Variants in DAB1 observed in about 807,000 individuals in gnomAD.
DAB1 encodes the protein disabled homolog 1.
DAB1 carries 15 observed loss-of-function variants against 64.6 expected under a neutral mutation model. The observed-to-expected ratio is 0.23, with a 90% CI of 0.16 to 0.36. The LOEUF is 0.36. Ranked by LOEUF, DAB1 falls within the 10% of genes least tolerant of loss-of-function variation. The pLI is 1.00. For synonymous variants in DAB1, 235 were observed against 251.9 expected (o/e 0.93, Z 0.64); for missense variants, 596 against 706.7 (o/e 0.84, Z 1.78).
chr1:58,518,081 G>A (rs936356365), intron 2 of DAB1, among the ~76,000 whole-genome samples: 1 of 151,160 alleles, frequency 6.6e-6, no homozygotes, highest in Admixed American at 6.6e-5. Context: ...AGCTACTCAG[G>A]AGGCTGAGGC....
intron 2 of DAB1, among the ~76,000 whole-genome samples, chr1:57,254,721 A>T (rs893132331): frequency 1.3e-5 from 2 of 152,202 alleles, no homozygotes; most frequent in African/African-American, 4.8e-5. Flanking sequence ...ATTGTGGAAA[A>T]TTTGAAAAAT....
At chr1:58,302,019 C>T (rs1308995989) in intron 4 of DAB1, among the ~76,000 whole-genome samples, 1 of 152,092 alleles carries the variant, frequency 6.6e-6, no homozygotes, top group African/African-American at 2.4e-5. Flanking sequence ...CTGGCCTCCT[C>T]ATTTTATAGT....
At chr1:57,984,252 G>GAAAAAAAA (rs1221803395) in intron 5 of DAB1, among the ~76,000 whole-genome samples, 1 of 132,836 alleles carries the variant, frequency 7.5e-6, no homozygotes, top group East Asian at 2.2e-4. Flanking sequence ...AAGAAAGAAA[G>GAAAAAAAA]AAAGAAAGAA....
In DAB1 at chr1:57,816,849, G is replaced by A. The variant is rs115724328; in HGVS notation, n.551+67150C>T. Among the ~76,000 whole-genome samples, 659 of 152,228 alleles carry A rather than the reference G, an allele frequency of 4.3e-3. 1 individual carries two copies. Among genetic ancestry groups the A allele is most frequent in the Non-Finnish European group, 7.0e-3 (479 of 68,018 alleles). ...TGATTCATTTCAACCTAGGATTACC[G>A]TATGCCTATTATGTACCGGGTACTG... On this transcript the variant is annotated intron_variant and non_coding_transcript_variant, in intron 6 of 20. Transcript: ENST00000485760.
At chr1:57,797,631 T>C (rs1247383001) in intron 6 of DAB1, among the ~76,000 whole-genome samples, 2 of 152,222 alleles carry the variant, frequency 1.3e-5, no homozygotes, top group African/African-American at 4.8e-5. Flanking sequence ...TCTTCAGTGA[T>C]AGTAATCATT....
chr1:57,154,155 T>G (rs1557824034), intron 2 of DAB1, among the ~76,000 whole-genome samples: 1 of 152,192 alleles, frequency 6.6e-6, no homozygotes, highest in Non-Finnish European at 1.5e-5. Flanking sequence ...CTTATTCTAT[T>G]TTTTGTACCA....
At chr1:57,788,811 T>G (rs1343681946) in intron 6 of DAB1, among the ~76,000 whole-genome samples, 2 of 152,178 alleles carry the variant, frequency 1.3e-5, no homozygotes, top group Admixed American at 1.3e-4. Context: ...AAATGGTTGT[T>G]GATTGAGACT....
chr1:57,062,760 C>T, intron 9 of DAB1, 124 bp downstream of exon 9: 1 of 788,022 alleles, frequency 1.3e-6, no homozygotes, highest in Admixed American at 2.4e-5. Context: ...CATGCAGTCC[C>T]CAGCAGAAAC....
At chr1:57,633,127 T>C (rs1466438333) in intron 7 of DAB1, among the ~76,000 whole-genome samples, 1 of 152,206 alleles carries the variant, frequency 6.6e-6, no homozygotes, top group Non-Finnish European at 1.5e-5. Flanking sequence ...AGCCCCTGAG[T>C]AGAGCTCTCT....
chr1:57,691,869 G>C (rs1281610474), intron 6 of DAB1, among the ~76,000 whole-genome samples: 3 of 152,050 alleles, frequency 2.0e-5, no homozygotes, highest in Admixed American at 6.6e-5. Context: ...AGAATTTGGG[G>C]GCTAAATATT....
intron 2 of DAB1, among the ~76,000 whole-genome samples, chr1:57,250,026 C>T (rs1244509070): frequency 6.6e-6 from 1 of 152,142 alleles, no homozygotes; most frequent in African/African-American, 2.4e-5. Context: ...CTTTAAATCC[C>T]AAAGTCTGAA....
intron 5 of DAB1, among the ~76,000 whole-genome samples, chr1:58,036,618 A>AT (rs1266964969): frequency 2.6e-5 from 4 of 152,056 alleles, no homozygotes; most frequent in Non-Finnish European, 5.9e-5. Context: ...CCTTCTACTA[A>AT]TTTTTTTTCG....
intron 2 of DAB1, among the ~76,000 whole-genome samples, chr1:57,152,697 G>A (rs888810323): frequency 3.0e-4 from 46 of 152,166 alleles, no homozygotes; most frequent in African/African-American, 1.1e-3. Flanking sequence ...AATTGTATAC[G>A]ATGATATTTA....
chr1:57,435,916 C>CTTTTTTTTT (rs1183686656), intron 7 of DAB1, among the ~76,000 whole-genome samples: 1 of 127,204 alleles, frequency 7.9e-6, no homozygotes, highest in Non-Finnish European at 1.7e-5. Context: ...TTTTTTCTTT[C>CTTTTTTTTT]TTTTTTTTTT....
rs565321671 is a variant in DAB1, at chr1:58,030,664, C to T, written n.387+119847G>A. On this transcript the variant is annotated intron_variant and non_coding_transcript_variant, in intron 5 of 20. Transcript: ENST00000485760. ...TCAGAAAAGCCCCTGGGGTGGGGCC[C>T]GGGTTTTCCTCTATTCACCTTTGTA... Among the ~76,000 whole-genome samples, 2 of 152,266 alleles carry T rather than the reference C, an allele frequency of 1.3e-5. 1 individual carries two copies. Among genetic ancestry groups the T allele is most frequent in the South Asian group, 4.1e-4 (2 of 4,824 alleles).
chr1:57,226,881 T>C (rs1433862271), intron 2 of DAB1, among the ~76,000 whole-genome samples: 8 of 151,910 alleles, frequency 5.3e-5, no homozygotes, highest in African/African-American at 1.9e-4. Flanking sequence ...TTTCATTCTT[T>C]AAATCCAATA....
intron 4 of DAB1, among the ~76,000 whole-genome samples, chr1:58,308,691 G>A (rs563995800): frequency 6.6e-6 from 1 of 152,242 alleles, no homozygotes; most frequent in African/African-American, 2.4e-5. Flanking sequence ...CTCCTTGCTG[G>A]ATTCAGCAAC....
chr1:58,220,484 A>G (rs935545377), intron 4 of DAB1, among the ~76,000 whole-genome samples: 1 of 152,170 alleles, frequency 6.6e-6, no homozygotes, highest in African/African-American at 2.4e-5. Context: ...TCTGTGAGCA[A>G]GGGGCTGGGG....
chr1:57,712,895 T>C (rs1254583946), intron 6 of DAB1, among the ~76,000 whole-genome samples: 1 of 152,234 alleles, frequency 6.6e-6, no homozygotes, highest in East Asian at 1.9e-4. Flanking sequence ...AGTATTTTCA[T>C]AACATCTCAA....
Sources: gnomAD v4.1 joint callset for allele counts (sites outside exome capture counted in the v4.1 genomes callset) on GRCh38, gnomAD v4.1.1 for gene constraint, MANE v1.5 for transcripts, NCBI Gene and HGNC (gene_info 2026-07-23, HGNC 2026-07-21) for gene names.